The following LRP1B variants were observed in gnomAD, a reference collection of about 807,000 sequenced individuals.
LRP1B encodes LDL receptor related protein 1B.
A neutral mutation model predicts 556.6 loss-of-function variants in LRP1B; 217 were observed. The ratio of observed to expected loss-of-function variants is 0.39; its 90% confidence interval spans 0.35 to 0.44. LRP1B has a LOEUF of 0.44. LRP1B is among the 20% of genes least tolerant of loss of function. LRP1B has a pLI of 1.00. For synonymous variants in LRP1B, 2,047 were observed against 1,865.8 expected, an observed-to-expected ratio of 1.10 and a Z score of -2.50; for missense variants, 5,053 against 5,620.8, an observed-to-expected ratio of 0.90 and a Z score of 3.23.
chr2:141,922,935 A>T (rs1700228904), intron 1 of LRP1B, among the ~76,000 whole-genome samples: 1 of 126,868 alleles, frequency 7.9e-6, no homozygotes, highest in African/African-American at 2.6e-5. Context: ...CCTTGTTTCT[A>T]CAAAAAATAA....
At chr2:140,277,083 C>T (rs956852549) in intron 84 of LRP1B, among the ~76,000 whole-genome samples, 28 of 142,666 alleles carry the variant, frequency 2.0e-4, no homozygotes, top group South Asian at 4.5e-4. Context: ...AATTTTGAAG[C>T]GCTTTTTTTT....
intron 41 of LRP1B, among the ~76,000 whole-genome samples, chr2:140,610,201 T>C (rs973886095): frequency 6.6e-6 from 1 of 152,176 alleles, no homozygotes; most frequent in Non-Finnish European, 1.5e-5. Context: ...GTTTGTGTTG[T>C]TTTTGCCTGT....
chr2:141,986,622 C>T (rs1477518760), intron 1 of LRP1B, among the ~76,000 whole-genome samples: 2 of 152,010 alleles, frequency 1.3e-5, no homozygotes, highest in East Asian at 3.9e-4. Flanking sequence ...ATTTAAAAAT[C>T]AAGTTGTTTC....
intron 41 of LRP1B, among the ~76,000 whole-genome samples, chr2:140,661,468 T>G (rs1396690848): frequency 6.7e-6 from 1 of 148,442 alleles, no homozygotes; most frequent in Admixed American, 6.8e-5. Flanking sequence ...AAGACCAGCC[T>G]GGGCAAAATG....
chr2:141,059,094 G>T (rs1699267354), intron 8 of LRP1B, 40 bp from the exon 9 acceptor site: 2 of 1,282,760 alleles, frequency 1.6e-6, no homozygotes, highest in Non-Finnish European at 2.1e-6. Context: ...TTTTAATTAT[G>T]TAGCTTGCAA....
intron 2 of LRP1B, among the ~76,000 whole-genome samples, chr2:141,534,252 G>A (rs1416445085): frequency 6.6e-6 from 1 of 152,108 alleles, no homozygotes; most frequent in Non-Finnish European, 1.5e-5. Flanking sequence ...CAGAGGCTAC[G>A]AAATGAAAAT....
intron 3 of LRP1B, among the ~76,000 whole-genome samples, chr2:141,370,277 A>G (rs1689183414): frequency 6.6e-6 from 1 of 152,022 alleles, no homozygotes; most frequent in African/African-American, 2.4e-5. Flanking sequence ...AGTATATAAG[A>G]TCTCCCTTTT....
At chr2:141,364,876 A>C (rs915123758) in intron 3 of LRP1B, among the ~76,000 whole-genome samples, 4 of 152,192 alleles carry the variant, frequency 2.6e-5, no homozygotes, top group Non-Finnish European at 4.4e-5. Context: ...CGAGTATAAA[A>C]ATAAAAATGA....
At chr2:141,546,791 C>A (rs185896134) in intron 2 of LRP1B, among the ~76,000 whole-genome samples, 12 of 152,284 alleles carry the variant, frequency 7.9e-5, no homozygotes, top group Admixed American at 7.2e-4. Context: ...TGCTGACATC[C>A]AGGCTAGTTA....
intron 1 of LRP1B, among the ~76,000 whole-genome samples, chr2:141,904,629 G>A (rs758887839): frequency 3.3e-5 from 5 of 151,996 alleles, no homozygotes; most frequent in Non-Finnish European, 7.4e-5. Flanking sequence ...AATTCAATGT[G>A]ACATGCAGTG....
chr2:140,596,420 T>A (rs1682443431), intron 43 of LRP1B, among the ~76,000 whole-genome samples: 1 of 152,206 alleles, frequency 6.6e-6, no homozygotes. Flanking sequence ...TTACTGATGT[T>A]CTTAAAATGT....
At chr2:140,610,384 A>C (rs1438404712) in intron 41 of LRP1B, among the ~76,000 whole-genome samples, 2 of 152,188 alleles carry the variant, frequency 1.3e-5, no homozygotes, top group Non-Finnish European at 2.9e-5. Flanking sequence ...ATAAATCAAT[A>C]TGTATTTCTG....
chr2:141,801,801 A>G (rs60606290), intron 2 of LRP1B, among the ~76,000 whole-genome samples: 16,711 of 152,104 alleles, frequency 0.11, 1,213 homozygotes, highest in African/African-American at 0.2. Flanking sequence ...TCTAGAATTT[A>G]GTAATATTTA....
chr2:140,559,899 C>A (rs1249639446), intron 43 of LRP1B, among the ~76,000 whole-genome samples: 1 of 151,822 alleles, frequency 6.6e-6, no homozygotes, highest in African/African-American at 2.4e-5. Flanking sequence ...CTGTTTCAGG[C>A]AAAAACATGA....
intron 84 of LRP1B, among the ~76,000 whole-genome samples, chr2:140,291,320 T>TATATATATATATATATA (rs745524571): frequency 0.016 from 803 of 51,608 alleles, 111 homozygotes; most frequent in Middle Eastern, 0.022. Context: ...ATATATATAT[T>TATATATATATATATATA]TTTATTATAC....
At chr2:141,186,367 C>T (rs1518804) in intron 7 of LRP1B, among the ~76,000 whole-genome samples, 4,238 of 151,990 alleles carry the variant, frequency 0.028, 128 homozygotes, top group East Asian at 0.16. Flanking sequence ...AAAAACTATT[C>T]AAATTATTCT....
At chr2:140,846,549 C>T (rs1692279251) in intron 29 of LRP1B, among the ~76,000 whole-genome samples, 2 of 151,850 alleles carry the variant, frequency 1.3e-5, no homozygotes, top group South Asian at 4.2e-4. Flanking sequence ...AAGAGCAAAA[C>T]TACTTCTAAA....
At chr2:141,714,126 G>T (rs1293090474) in intron 2 of LRP1B, among the ~76,000 whole-genome samples, 2 of 152,128 alleles carry the variant, frequency 1.3e-5, no homozygotes, top group Non-Finnish European at 2.9e-5. Flanking sequence ...TTGGAATAAA[G>T]TTAGTGGAAA....
intron 1 of LRP1B, among the ~76,000 whole-genome samples, chr2:141,811,115 A>T (rs1288744675): frequency 6.6e-6 from 1 of 152,034 alleles, no homozygotes; most frequent in Non-Finnish European, 1.5e-5. Context: ...AGTCCTCGCA[A>T]ACTCATCAGA....
Sources: allele counts gnomAD v4.1 joint callset (sites outside exome capture counted in the v4.1 genomes callset), GRCh38; gene constraint gnomAD v4.1.1; transcripts MANE v1.5; gene names NCBI Gene and HGNC (gene_info 2026-07-23, HGNC 2026-07-21).